Variants in S100P observed in about 807,000 individuals in gnomAD.
The protein encoded by S100P is S100 calcium binding protein P.
In S100P, 7 loss-of-function variants were observed where a neutral mutation model predicts 4.7. The observed-to-expected ratio is 1.48, with a 90% CI of 0.84 to 2.77. S100P has a LOEUF of 2.77. Ranked by LOEUF, S100P falls within the 30% of genes most tolerant of loss-of-function variation. The pLI is 0.00. For missense variants in S100P, 122 were observed against 120.6 expected (o/e 1.01, Z -0.06); for synonymous variants, 48 against 49.0 (o/e 0.98, Z 0.08).
chr4:6,693,938 G>C lies in S100P; in HGVS notation c.6G>C (p.Thr2=). ...GTGGGTCTGAATCTAGCACCATGACGGAACTAGAGACAGCCATGGGCATGA... is the reference window on the plus strand; with the variant it reads ...GTGGGTCTGAATCTAGCACCATGACCGAACTAGAGACAGCCATGGGCATGA... M[T]ELETAMGMII... The change falls in exon 1 of 2, where the codon ACG becomes ACC. Residue 2 remains threonine (T), a synonymous_variant. Transcript: ENST00000296370. The C allele has an allele frequency of 8.1e-6, 13 of 1,614,154 alleles. No individual in the cohort carries two copies. The highest frequency in any genetic ancestry group is 1.1e-5 in the Non-Finnish European group (13 of 1,180,020).
chr4:6,695,684 C>T (rs1373962431), intron 1 of S100P, among the ~76,000 whole-genome samples: 1 of 152,208 alleles, frequency 6.6e-6, no homozygotes, highest in African/African-American at 2.4e-5. Context: ...GCTGGGGGTC[C>T]AGCTAATGTG....
intron 1 of S100P, among the ~76,000 whole-genome samples, chr4:6,694,712 C>T (rs1560127491): frequency 6.6e-6 from 1 of 152,266 alleles, no homozygotes; most frequent in South Asian, 2.1e-4. Context: ...GGGCAGCCTC[C>T]GGCTGGGCTG....
chr4:6,693,925 C>A lies in S100P; in HGVS notation c.-8C>A, dbSNP rs142657398. 6 of 1,614,170 alleles carry A rather than the reference C, an allele frequency of 3.7e-6. 1 individual carries two copies. Among genetic ancestry groups the A allele is most frequent in the Middle Eastern group, 3.3e-4 (2 of 6,062 alleles). On this transcript the variant is annotated 5_prime_UTR_variant, in exon 1 of 2. Transcript: ENST00000296370. ...CCCCAGGAGGAAGGTGGGTCTGAAT[C>A]TAGCACCATGACGGAACTAGAGACA...
intron 1 of S100P, 151 bp from the exon 2 acceptor site, chr4:6,696,742 A>G: frequency 3.5e-6 from 2 of 568,726 alleles, no homozygotes; most frequent in South Asian, 6.0e-5. Context: ...CAGGAATGCC[A>G]TGTGTCTGCT....
Position 6,693,958 on chromosome 4 carries a change from G to C in S100P, c.26G>C (p.Gly9Ala), listed in dbSNP as rs1163094539. Residue 9 changes from glycine (G) to alanine (A), a missense_variant, in exon 1 of 2, where the codon GGC (glycine) becomes GCC (alanine). Coordinates refer to ENST00000296370, the MANE Select transcript of S100P (RefSeq NM_005980.3). ...ATGACGGAACTAGAGACAGCCATGG[G>C]CATGATCATAGACGTCTTTTCCCGA... is the stretch of plus-strand genomic sequence containing the variant. Reference protein sequence around the residue: MTELETAMGMIIDVFSRYS... With the variant: MTELETAMAMIIDVFSRYS... The C allele has an allele frequency of 4.3e-6, 7 of 1,614,168 alleles. No individual in the cohort carries two copies. Among genetic ancestry groups the C allele is most frequent in the Non-Finnish European group, 8.5e-7 (1 of 1,180,030 alleles).
chr4:6,694,177 A>C, intron 1 of S100P, 107 bp downstream of exon 1: 9 of 1,056,790 alleles, frequency 8.5e-6, no homozygotes, highest in Non-Finnish European at 1.2e-5. Context: ...CAAGGGGCTC[A>C]GAGGCAAGAG....
At position 6,697,113 on chromosome 4, in the gene S100P, T is replaced by A. The variant is rs1192814061; in HGVS notation, c.*71T>A. ...CTTCCCAAAAGTGTTTGTTGGCAAT[T>A]ATTCCCCTAGGCTGAGCCTGCTCAT... is the stretch of plus-strand genomic sequence containing the variant. On this transcript the variant is annotated 3_prime_UTR_variant, in exon 2 of 2. Coordinates refer to ENST00000296370, the MANE Select transcript of S100P (RefSeq NM_005980.3). The A allele has an allele frequency of 5.3e-6, 7 of 1,319,418 alleles. No homozygotes were observed. The highest frequency in any genetic ancestry group is 7.4e-6 in the Non-Finnish European group (7 of 940,358). 81.7% of individuals were successfully genotyped at this position (1,319,418 alleles called of 1,614,324 possible).
chr4:6,696,932 G>A lies in S100P; in HGVS notation c.178G>A (p.Asp60Asn). ...DKDAVDKLLK[D>N]LDANGDAQVD... ...GGATGCCGTGGATAAATTGCTCAAG[G>A]ACCTGGACGCCAATGGAGATGCCCA... The change falls in exon 2 of 2, where the codon GAC becomes AAC. Residue 60 changes from aspartate to asparagine, a missense_variant. By Grantham distance (23) the Asp-to-Asn change is conservative (BLOSUM62 1). Transcript: ENST00000296370. 6.2e-7 allele frequency: 1 copy of A among 1,614,054 alleles called. No individual in the cohort carries two copies. Among genetic ancestry groups the A allele is most frequent in the Non-Finnish European group, 8.5e-7 (1 of 1,179,926 alleles).
At chr4:6,695,726 G>A (rs188847822) in intron 1 of S100P, among the ~76,000 whole-genome samples, 3 of 152,348 alleles carry the variant, frequency 2.0e-5, no homozygotes, top group Admixed American at 2.0e-4. Context: ...GAGGCCCTGG[G>A]TGCCCTTCTC....
At chr4:6,695,289 T>C (rs1206639790) in intron 1 of S100P, among the ~76,000 whole-genome samples, 1 of 152,200 alleles carries the variant, frequency 6.6e-6, no homozygotes, top group East Asian at 1.9e-4. Context: ...TAAATGTGAA[T>C]TCTGTAAAGA....
Position 6,694,792 on chromosome 4 carries a change from C to A in S100P, c.138+722C>A, listed in dbSNP as rs182116358. Among the ~76,000 whole-genome samples the A allele has an allele frequency of 4.3e-4, 65 of 152,152 alleles. No individual in the cohort carries two copies. The East Asian group carries it at 6.6e-3, about 15-fold the overall frequency. ...GTCCTCTCCTTCTTTCTCACTCCCC[C>A]ACTTTCTTCCTTCCTTCCCCTCCCC... On this transcript the variant is annotated intron_variant, in intron 1 of 1. Transcript: ENST00000296370.
chr4:6,694,610 A>C (rs540238041), intron 1 of S100P, among the ~76,000 whole-genome samples: 1 of 151,912 alleles, frequency 6.6e-6, no homozygotes, highest in South Asian at 2.1e-4. Flanking sequence ...AGAGCTGTGG[A>C]CCTCCCTTGG....
intron 1 of S100P, 103 bp from the exon 2 acceptor site, chr4:6,696,790 G>A (rs999316329): frequency 6.8e-5 from 50 of 731,980 alleles, no homozygotes; most frequent in South Asian, 2.0e-4. Flanking sequence ...CAAAGGTGAC[G>A]CAGATGTGGG....
At chr4:6,695,201 G>A (rs1321499731) in intron 1 of S100P, among the ~76,000 whole-genome samples, 2 of 152,092 alleles carry the variant, frequency 1.3e-5, no homozygotes, top group African/African-American at 4.8e-5. Context: ...CCTGTGCTCA[G>A]GCAATGCGTC....
intron 1 of S100P, among the ~76,000 whole-genome samples, chr4:6,695,108 G>C (rs1344272270): frequency 1.3e-5 from 2 of 151,878 alleles, no homozygotes; most frequent in African/African-American, 4.8e-5. Context: ...TGGGACTACA[G>C]GTGCATGTCA....
Position 6,693,982 on chromosome 4 carries a change from G to A in S100P, c.50G>A (p.Arg17Gln), listed in dbSNP as rs1032934662. 7.4e-6 allele frequency: 12 copies of A among 1,614,060 alleles called. No individual in the cohort carries two copies. The highest frequency in any genetic ancestry group is 2.2e-5 in the South Asian group (2 of 91,086). Residue 17 changes from arginine (R) to glutamine (Q), a missense_variant, in exon 1 of 2, where the codon CGA becomes CAA. Arg to Gln is a conservative substitution (Grantham distance 43, BLOSUM62 1). Coordinates refer to ENST00000296370, the MANE Select transcript of S100P (RefSeq NM_005980.3). ...AMGMIIDVFSRYSGSEGSTQT... is the reference protein window; with the variant it reads ...AMGMIIDVFSQYSGSEGSTQT... ...GGCATGATCATAGACGTCTTTTCCCGATATTCGGGCAGCGAGGGCAGCACG... is the reference window on the plus strand; with the variant it reads ...GGCATGATCATAGACGTCTTTTCCCAATATTCGGGCAGCGAGGGCAGCACG...
intron 1 of S100P, among the ~76,000 whole-genome samples, chr4:6,694,356 C>T (rs1028658201): frequency 6.6e-6 from 1 of 152,212 alleles, no homozygotes; most frequent in Non-Finnish European, 1.5e-5. Flanking sequence ...GAGAGTGGGA[C>T]TCAAACCTGT....
intron 1 of S100P, among the ~76,000 whole-genome samples, chr4:6,695,662 A>C (rs1043325992): frequency 6.6e-6 from 1 of 152,192 alleles, no homozygotes; most frequent in Admixed American, 6.5e-5. Context: ...CACTTTGAGA[A>C]GCAATGGCAA....
chr4:6,696,913 C>G lies in S100P; in HGVS notation c.159C>G (p.Ala53=), dbSNP rs373388076. The change falls in exon 2 of 2, where the codon GCC becomes GCG. Residue 53 remains alanine, a synonymous_variant. Coordinates refer to ENST00000296370, the MANE Select transcript of S100P (RefSeq NM_005980.3). ...TCTAGAGTGGAAAAGACAAGGATGC[C>G]GTGGATAAATTGCTCAAGGACCTGG... is the stretch of plus-strand genomic sequence containing the variant. The part of the protein sequence containing the change: ...GFLQSGKDKD[A]VDKLLKDLDA... 175 of 1,613,758 alleles carry G rather than the reference C, an allele frequency of 1.1e-4. No homozygotes were observed. The highest frequency in any genetic ancestry group is 1.4e-4 in the Non-Finnish European group (169 of 1,179,852).
Sources: allele counts gnomAD v4.1 joint callset (sites outside exome capture counted in the v4.1 genomes callset), GRCh38; gene constraint gnomAD v4.1.1; transcripts MANE v1.5; gene names NCBI Gene and HGNC (gene_info 2026-07-23, HGNC 2026-07-21).